Variants in AAMDC observed in about 807,000 individuals in gnomAD.
AAMDC encodes adipogenesis associated Mth938 domain containing, also known as mth938 domain-containing protein.
Under a neutral mutation model 15.5 loss-of-function variants are expected in AAMDC, and 16 were observed. That is an observed-to-expected ratio of 1.03 (90% confidence interval 0.70 to 1.57). The LOEUF is 1.57. AAMDC is among the 40% of genes most tolerant of loss of function. The pLI is 0.00. For synonymous variants in AAMDC, 51 were observed against 51.6 expected, an observed-to-expected ratio of 0.99 and a Z score of 0.05; for missense variants, 141 against 144.9, an observed-to-expected ratio of 0.97 and a Z score of 0.14.
intron 2 of AAMDC, among the ~76,000 whole-genome samples, chr11:77,861,079 A>G (rs936854585): frequency 6.6e-6 from 1 of 152,062 alleles, no homozygotes; most frequent in Non-Finnish European, 1.5e-5. Flanking sequence ...AGAATCCTTT[A>G]ATTTAATTTG....
chr11:77,835,989 A>G (rs1949666481), intron 1 of AAMDC, among the ~76,000 whole-genome samples: 1 of 152,216 alleles, frequency 6.6e-6, no homozygotes, highest in Admixed American at 6.5e-5. Context: ...CTGTAGAGTC[A>G]GACAGACTTG....
At chr11:77,901,334 A>G (rs1408383003), downstream of AAMDC, 4 of 1,357,776 alleles carry the variant, frequency 2.9e-6, no homozygotes, top group Non-Finnish European at 4.2e-6. Flanking sequence ...CATTTCACTT[A>G]TCATTAACTT....
At chr11:77,881,741 C>T (rs1436188851) in intron 5 of AAMDC, among the ~76,000 whole-genome samples, 1 of 152,148 alleles carries the variant, frequency 6.6e-6, no homozygotes, top group Non-Finnish European at 1.5e-5. Context: ...CAAGCAAGTT[C>T]CCTGCTCTAT....
chr11:77,822,578 G>C lies in AAMDC; in HGVS notation c.-19+1337G>C, dbSNP rs183344644. 1.4e-3 allele frequency among the ~76,000 whole-genome samples: 207 copies of C among 151,978 alleles called. 1 individual carries two copies. The highest frequency in any genetic ancestry group is 3.3e-3 in the African/African-American group (138 of 41,452). On this transcript the variant is annotated intron_variant, in intron 1 of 3. Coordinates refer to ENST00000393427, the MANE Select transcript of AAMDC (RefSeq NM_024684.4). ...CACCGAATTTTTTTCTTCATTTCCA[G>C]GTTTTAAAAAGGGGAAAAACCATAA...
intron 2 of AAMDC, among the ~76,000 whole-genome samples, chr11:77,862,046 T>TA (rs1344113685): frequency 6.6e-6 from 1 of 152,202 alleles, no homozygotes; most frequent in East Asian, 1.9e-4. Flanking sequence ...CCCTGTGTTA[T>TA]AGTGGACATA....
At chr11:77,901,694 T>C (rs980145751), downstream of AAMDC, 1 of 633,476 alleles carries the variant, frequency 1.6e-6, no homozygotes, top group African/African-American at 1.9e-5. Context: ...TGAAAGAAAT[T>C]AGTATAGTAT....
At chr11:77,904,577 A>G (rs1952883489), downstream of AAMDC, among the ~76,000 whole-genome samples, 1 of 152,228 alleles carries the variant, frequency 6.6e-6, no homozygotes, top group Admixed American at 6.5e-5. Context: ...TGAGTGCTCA[A>G]GAGTCCCATG....
intron 2 of AAMDC, among the ~76,000 whole-genome samples, chr11:77,867,290 G>C (rs1053754018): frequency 6.8e-6 from 1 of 146,672 alleles, no homozygotes; most frequent in African/African-American, 2.6e-5. Context: ...CCATTAGAAG[G>C]TACCCCTTCT....
intron 1 of AAMDC, among the ~76,000 whole-genome samples, chr11:77,838,908 G>A (rs570100350): frequency 2.6e-5 from 4 of 152,220 alleles, no homozygotes; most frequent in East Asian, 1.9e-4. Flanking sequence ...GAGCCACCGC[G>A]CCCAGCAATA....
intron 1 of AAMDC, among the ~76,000 whole-genome samples, chr11:77,829,483 A>C (rs1949323822): frequency 6.6e-6 from 1 of 152,246 alleles, no homozygotes; most frequent in African/African-American, 2.4e-5. Flanking sequence ...ATTTAAAATA[A>C]ACATACCAAG....
At chr11:77,857,606 T>A (rs1290044006) in intron 2 of AAMDC, among the ~76,000 whole-genome samples, 1 of 152,156 alleles carries the variant, frequency 6.6e-6, no homozygotes, top group Non-Finnish European at 1.5e-5. Flanking sequence ...TTACTTTAAG[T>A]TCTCGGATAC....
intron 1 of AAMDC, among the ~76,000 whole-genome samples, chr11:77,835,525 C>G (rs752560743): frequency 6.6e-6 from 1 of 152,128 alleles, no homozygotes; most frequent in Non-Finnish European, 1.5e-5. Flanking sequence ...CGTTGATACT[C>G]CCAAAAAAGC....
chr11:77,862,503 G>A (rs1950924535), intron 2 of AAMDC, among the ~76,000 whole-genome samples: 1 of 152,122 alleles, frequency 6.6e-6, no homozygotes, highest in South Asian at 2.1e-4. Flanking sequence ...CTTGGAGAGG[G>A]CATAATTGGG....
intron 2 of AAMDC, among the ~76,000 whole-genome samples, chr11:77,849,737 C>A (rs946632762): frequency 2.0e-5 from 3 of 152,112 alleles, no homozygotes; most frequent in Admixed American, 1.3e-4. Context: ...ATATCAAATT[C>A]TTTTTATCTT....
intron 2 of AAMDC, chr11:77,850,633 C>T (rs1442495172): frequency 1.3e-5 from 2 of 152,110 alleles, no homozygotes; most frequent in African/African-American, 4.8e-5. Flanking sequence ...TTTACCCCAA[C>T]TTTTTATTTT....
downstream of AAMDC, chr11:77,903,769 T>A (rs1952853384): frequency 1.6e-6 from 1 of 642,934 alleles, no homozygotes; most frequent in East Asian, 2.7e-5. Context: ...AAGCTGTATC[T>A]ATTATGGAGA....
intron 3 of AAMDC, among the ~76,000 whole-genome samples, chr11:77,871,175 T>C (rs1245375173): frequency 1.3e-5 from 2 of 152,210 alleles, no homozygotes; most frequent in Non-Finnish European, 2.9e-5. Context: ...TAGGGTACTT[T>C]TATAAATCTC....
intron 5 of AAMDC, among the ~76,000 whole-genome samples, chr11:77,896,100 C>G (rs1020517414): frequency 2.0e-5 from 3 of 152,054 alleles, no homozygotes; most frequent in Non-Finnish European, 2.9e-5. Context: ...GCACAGAAAA[C>G]TTTTTTAAAA....
At chr11:77,853,480 A>G (rs1950484061) in intron 2 of AAMDC, among the ~76,000 whole-genome samples, 1 of 152,112 alleles carries the variant, frequency 6.6e-6, no homozygotes, top group Admixed American at 6.5e-5. Context: ...ACTCACTATC[A>G]CGAGAACAGC....
Sources: allele counts gnomAD v4.1 joint callset (sites outside exome capture counted in the v4.1 genomes callset), GRCh38; gene constraint gnomAD v4.1.1; transcripts MANE v1.5; gene names NCBI Gene and HGNC (gene_info 2026-07-23, HGNC 2026-07-21).